PRKG1: variants seen among roughly 807,000 people sequenced by gnomAD.
PRKG1 encodes protein kinase cGMP-dependent 1, also known as cGMP-dependent protein kinase 1.
Under a neutral mutation model 88.1 loss-of-function variants are expected in PRKG1, and 35 were observed. The observed-to-expected ratio is 0.40, with a 90% CI of 0.30 to 0.53. The LOEUF (loss-of-function observed/expected upper bound fraction) is 0.53. PRKG1 is among the 20% of genes least tolerant of loss of function. The pLI is 0.59. For missense variants in PRKG1, 540 were observed against 839.8 expected (o/e 0.64, Z 4.41); for synonymous variants, 303 against 292.5 (o/e 1.04, Z -0.37).
chr10:51,600,345 C>T (rs925282026), intron 3 of PRKG1, among the ~76,000 whole-genome samples: 1 of 152,098 alleles, frequency 6.6e-6, no homozygotes, highest in African/African-American at 2.4e-5. Context: ...TAACAAAATT[C>T]CCATGGCTAA....
At chr10:51,519,651 G>T (rs1254290139) in intron 3 of PRKG1, among the ~76,000 whole-genome samples, 1 of 152,080 alleles carries the variant, frequency 6.6e-6, no homozygotes, top group Non-Finnish European at 1.5e-5. Flanking sequence ...CTTGAATCCT[G>T]AGGCATCTCA....
At chr10:52,036,847 G>A (rs1207282469) in intron 5 of PRKG1, among the ~76,000 whole-genome samples, 8 of 152,138 alleles carry the variant, frequency 5.3e-5, no homozygotes, top group African/African-American at 1.4e-4. Context: ...AAGCCTGGCC[G>A]TCAATACCCA....
chr10:51,719,610 A>C (rs532753363), intron 3 of PRKG1, among the ~76,000 whole-genome samples: 2 of 152,344 alleles, frequency 1.3e-5, no homozygotes, highest in East Asian at 3.9e-4. Context: ...ATCCTCAAAC[A>C]GAAAAAGGAT....
At chr10:52,277,542 A>T (rs1407756504) in intron 12 of PRKG1, among the ~76,000 whole-genome samples, 1 of 152,096 alleles carries the variant, frequency 6.6e-6, no homozygotes, top group African/African-American at 2.4e-5. Flanking sequence ...CTTCACAACA[A>T]CCCAGTGAGA....
At chr10:51,289,628 C>G (rs1840531222) in intron 2 of PRKG1, among the ~76,000 whole-genome samples, 1 of 151,706 alleles carries the variant, frequency 6.6e-6, no homozygotes, top group Non-Finnish European at 1.5e-5. Flanking sequence ...CTTGACTCTA[C>G]CTAAGACTTT....
At chr10:51,628,010 CTTTCT>C in intron 3 of PRKG1, among the ~76,000 whole-genome samples, 1 of 78,366 alleles carries the variant, frequency 1.3e-5, no homozygotes, top group South Asian at 5.2e-4. Context: ...CTCTCTCTCT[CTTTCT>C]TTCTTTCTTT....
chr10:51,955,270 C>T (rs1843276933), intron 5 of PRKG1, among the ~76,000 whole-genome samples: 1 of 152,106 alleles, frequency 6.6e-6, no homozygotes, highest in Admixed American at 6.6e-5. Flanking sequence ...GCAAACCTGC[C>T]CCATTCACCA....
At chr10:52,084,660 A>G (rs554412856) in intron 7 of PRKG1, among the ~76,000 whole-genome samples, 5 of 152,162 alleles carry the variant, frequency 3.3e-5, no homozygotes, top group African/African-American at 1.2e-4. Context: ...TAATGTCCCA[A>G]TATATGTCAC....
intron 1 of PRKG1, among the ~76,000 whole-genome samples, chr10:51,142,843 C>T (rs542296205): frequency 6.6e-6 from 1 of 152,066 alleles, no homozygotes; most frequent in Non-Finnish European, 1.5e-5. Context: ...TAACATTCTT[C>T]TAAAATTTTT....
chr10:51,253,050 G>A (rs924599496), intron 2 of PRKG1, among the ~76,000 whole-genome samples: 4 of 151,834 alleles, frequency 2.6e-5, no homozygotes, highest in Non-Finnish European at 5.9e-5. Context: ...CACCAGTTGA[G>A]TATATTTCAC....
chr10:52,206,967 C>T (rs892516629), intron 9 of PRKG1, among the ~76,000 whole-genome samples: 3 of 152,208 alleles, frequency 2.0e-5, no homozygotes, highest in Non-Finnish European at 2.9e-5. Context: ...TGGTAAAAGT[C>T]GGTTGGCAGT....
At chr10:51,785,071 A>G (rs1368341249) in intron 3 of PRKG1, among the ~76,000 whole-genome samples, 2 of 150,560 alleles carry the variant, frequency 1.3e-5, no homozygotes, top group Non-Finnish European at 3.0e-5. Flanking sequence ...TTATATTAAG[A>G]TATTTGGGAA....
intron 1 of PRKG1, among the ~76,000 whole-genome samples, chr10:51,051,104 G>A (rs941496796): frequency 1.3e-5 from 2 of 151,976 alleles, no homozygotes; most frequent in African/African-American, 2.4e-5. Flanking sequence ...CTCCTGTTAC[G>A]TAGGTTGCCT....
chr10:52,026,696 G>A (rs1845346956), intron 5 of PRKG1, among the ~76,000 whole-genome samples: 1 of 152,182 alleles, frequency 6.6e-6, no homozygotes, highest in Non-Finnish European at 1.5e-5. Context: ...GTGAATTTCG[G>A]CCAGGCACGG....
chr10:51,979,611 C>CTTT (rs71032612), intron 5 of PRKG1, among the ~76,000 whole-genome samples: 4 of 72,298 alleles, frequency 5.5e-5, no homozygotes, highest in African/African-American at 1.1e-4. Flanking sequence ...TGGTCCTGGG[C>CTTT]TTTTTTTTTT....
chr10:51,849,146 A>G lies in PRKG1; in HGVS notation c.698+44456A>G, dbSNP rs115584765. ...TTAATGCTCTTTGCCTTCTAATCCT[A>G]CCAAAACCCATTCCATATATCATCT... On this transcript the variant is annotated intron_variant, in intron 4 of 17. Coordinates refer to ENST00000373980, the MANE Select transcript of PRKG1 (RefSeq NM_006258.4). Among the ~76,000 whole-genome samples the G allele has an allele frequency of 4.3e-3, 660 of 152,226 alleles. 7 individuals are homozygous for G. Among genetic ancestry groups the G allele is most frequent in the African/African-American group, 0.015 (611 of 41,540 alleles).
At chr10:51,948,545 TGTGC>T (rs1237749006) in intron 5 of PRKG1, among the ~76,000 whole-genome samples, 4 of 54,674 alleles carry the variant, frequency 7.3e-5, no homozygotes, top group African/African-American at 5.1e-4. Flanking sequence ...TGTGTGTGTG[TGTGC>T]GTGTGTGTGT....
At chr10:51,609,965 T>A (rs1375982822) in intron 3 of PRKG1, among the ~76,000 whole-genome samples, 4 of 152,118 alleles carry the variant, frequency 2.6e-5, no homozygotes, top group Admixed American at 2.6e-4. Flanking sequence ...AACCTGCACA[T>A]CCTGCACATG....
rs554444156 is a variant in PRKG1, at chr10:51,618,281, C to T, written c.592+150445C>T. 1.3e-3 allele frequency among the ~76,000 whole-genome samples: 193 copies of T among 152,250 alleles called. 1 individual carries two copies. The highest frequency in any genetic ancestry group is 4.4e-3 in the African/African-American group (183 of 41,558). On this transcript the variant is annotated intron_variant, in intron 3 of 17. Coordinates refer to ENST00000373980, the MANE Select transcript of PRKG1 (RefSeq NM_006258.4). Reference sequence around the variant, plus strand: ...TTTATTTTCTGTGTTCCATAGCAAACCTGGGAATAGCCATGGTCCAGAAAA... The same window carrying T: ...TTTATTTTCTGTGTTCCATAGCAAATCTGGGAATAGCCATGGTCCAGAAAA...
Sources: gnomAD v4.1 joint callset for allele counts (sites outside exome capture counted in the v4.1 genomes callset) on GRCh38, gnomAD v4.1.1 for gene constraint, MANE v1.5 for transcripts, NCBI Gene and HGNC (gene_info 2026-07-23, HGNC 2026-07-21) for gene names.